The following SPIDR variants were observed in gnomAD, a reference collection of about 807,000 sequenced individuals.
SPIDR encodes DNA repair-scaffolding protein.
Under a neutral mutation model 104.6 loss-of-function variants are expected in SPIDR, and 93 were observed. The observed-to-expected ratio is 0.89, with a 90% confidence interval of 0.75 to 1.06. The LOEUF (loss-of-function observed/expected upper bound fraction) is 1.06, where lower values mean the gene tolerates loss of function less well. Ranked by LOEUF, SPIDR falls within the 50% of genes least tolerant of loss-of-function variation. SPIDR has a pLI of 0.00. For synonymous variants in SPIDR, 431 were observed against 416.9 expected (o/e 1.03, Z -0.41); for missense variants, 1,154 against 1,111.2 (o/e 1.04, Z -0.55).
chr8:47,502,917 G>A (rs758168414), intron 8 of SPIDR, among the ~76,000 whole-genome samples: 5 of 152,202 alleles, frequency 3.3e-5, no homozygotes, highest in Non-Finnish European at 5.9e-5. Context: ...TCAGGAGCAC[G>A]TTGTGCAGTT....
chr8:47,327,357 A>G (rs189848876), intron 5 of SPIDR, among the ~76,000 whole-genome samples: 7 of 150,946 alleles, frequency 4.6e-5, no homozygotes, highest in East Asian at 1.9e-4. Context: ...ATGACTGGCA[A>G]ATGTTTTCTC....
At chr8:47,419,123 C>G (rs1355498985) in intron 7 of SPIDR, 2 of 152,220 alleles carry the variant, frequency 1.3e-5, no homozygotes, top group Admixed American at 1.3e-4. Flanking sequence ...CAGGATGATG[C>G]TGGCCTGATA....
chr8:47,397,033 G>C (rs963668181), intron 6 of SPIDR, among the ~76,000 whole-genome samples: 1 of 152,144 alleles, frequency 6.6e-6, no homozygotes. Context: ...CAGATGAGAC[G>C]TATCTGGTGT....
At chr8:47,366,936 T>C (rs2057308098) in intron 5 of SPIDR, among the ~76,000 whole-genome samples, 1 of 152,208 alleles carries the variant, frequency 6.6e-6, no homozygotes, top group Admixed American at 6.5e-5. Context: ...TAAATTGTGG[T>C]AGGTAGAATT....
At chr8:47,536,074 CAG>C (rs1313513621) in intron 8 of SPIDR, among the ~76,000 whole-genome samples, 1 of 128,014 alleles carries the variant, frequency 7.8e-6, no homozygotes, top group African/African-American at 2.8e-5. Context: ...AAAAATCAAA[CAG>C]GTATAATCTA....
intron 10 of SPIDR, among the ~76,000 whole-genome samples, chr8:47,666,368 A>G (rs2074936817): frequency 6.6e-6 from 1 of 152,130 alleles, no homozygotes; most frequent in African/African-American, 2.4e-5. Flanking sequence ...TCTATTCCTT[A>G]TTGCTGACTA....
intron 7 of SPIDR, among the ~76,000 whole-genome samples, chr8:47,410,733 T>C (rs1418743406): frequency 6.6e-6 from 1 of 151,346 alleles, no homozygotes; most frequent in Admixed American, 6.6e-5. Context: ...TATGTATATA[T>C]GTGCCATGTT....
chr8:47,628,382 C>T (rs187459024), intron 10 of SPIDR, among the ~76,000 whole-genome samples: 8 of 152,162 alleles, frequency 5.3e-5, no homozygotes, highest in African/African-American at 1.9e-4. Context: ...AGAATTCTGA[C>T]TAAAGGCAAA....
At chr8:47,511,898 C>G in intron 8 of SPIDR, 1 of 800,736 alleles carries the variant, frequency 1.2e-6, no homozygotes. Context: ...TCATCCTCAT[C>G]TTGGTCATGA....
chr8:47,444,651 A>G (rs2070203111), intron 8 of SPIDR, among the ~76,000 whole-genome samples: 1 of 152,058 alleles, frequency 6.6e-6, no homozygotes, highest in African/African-American at 2.4e-5. Context: ...TTATCATTAT[A>G]CCTCCCTTCT....
Position 47,320,907 on chromosome 8 carries a change from C to G in SPIDR, c.525+26877C>G, listed in dbSNP as rs571505856. ...TGACAAAATTTAACAACCCTTCATG[C>G]TAAAAACTCTCAATAAATTAGGTAT... On this transcript the variant is annotated intron_variant, in intron 5 of 19. Transcript: ENST00000297423. Among the ~76,000 whole-genome samples, 32 of 152,262 alleles carry G rather than the reference C, an allele frequency of 2.1e-4. No homozygotes were observed. In the Middle Eastern group the frequency reaches 0.01, roughly 49 times the overall value.
intron 8 of SPIDR, among the ~76,000 whole-genome samples, chr8:47,548,294 A>G (rs1480075956): frequency 1.3e-5 from 2 of 152,264 alleles, no homozygotes; most frequent in Admixed American, 1.3e-4. Context: ...TAAGTCTGCT[A>G]TGCACATTAA....
chr8:47,320,619 C>T (rs2046367294), intron 5 of SPIDR, among the ~76,000 whole-genome samples: 1 of 152,106 alleles, frequency 6.6e-6, no homozygotes, highest in Non-Finnish European at 1.5e-5. Context: ...CAGCCTGATA[C>T]CAAAGCCTGG....
intron 8 of SPIDR, among the ~76,000 whole-genome samples, chr8:47,593,413 G>A (rs984569555): frequency 1.8e-4 from 27 of 151,794 alleles, no homozygotes; most frequent in Middle Eastern, 3.4e-3. Flanking sequence ...TCTCAAGTGC[G>A]TCAAGGTTGC....
At chr8:47,702,264 C>T (rs1033010358) in intron 14 of SPIDR, among the ~76,000 whole-genome samples, 1 of 152,168 alleles carries the variant, frequency 6.6e-6, no homozygotes, top group Admixed American at 6.5e-5. Context: ...ATTCCTTTTA[C>T]AGATGCAGAC....
chr8:47,512,584 T>C (rs1046762878), intron 8 of SPIDR, among the ~76,000 whole-genome samples: 1 of 152,172 alleles, frequency 6.6e-6, no homozygotes, highest in South Asian at 2.1e-4. Flanking sequence ...TGCTGGAGGC[T>C]GGAGCTTCCC....
At chr8:47,267,597 C>G (rs2034364156) in intron 1 of SPIDR, among the ~76,000 whole-genome samples, 1 of 152,174 alleles carries the variant, frequency 6.6e-6, no homozygotes, top group Non-Finnish European at 1.5e-5. Flanking sequence ...TTGCAGTTCC[C>G]TAATGAGATT....
At chr8:47,504,886 C>T (rs1410378633) in intron 8 of SPIDR, among the ~76,000 whole-genome samples, 2 of 152,158 alleles carry the variant, frequency 1.3e-5, no homozygotes, top group Non-Finnish European at 2.9e-5. Flanking sequence ...TTGGAGTTTG[C>T]CGGAGGTCCA....
intron 5 of SPIDR, among the ~76,000 whole-genome samples, chr8:47,384,565 T>A (rs782001010): frequency 6.6e-6 from 1 of 152,250 alleles, no homozygotes; most frequent in Non-Finnish European, 1.5e-5. Context: ...TTAGGAAAAT[T>A]CACTTAGGTT....
Sources: gnomAD v4.1 joint callset for allele counts (sites outside exome capture counted in the v4.1 genomes callset) on GRCh38, gnomAD v4.1.1 for gene constraint, MANE v1.5 for transcripts, NCBI Gene and HGNC (gene_info 2026-07-23, HGNC 2026-07-21) for gene names.